Variants in MTSS2 observed in about 807,000 individuals in gnomAD.
MTSS2 encodes the protein MTSS I-BAR domain containing 2.
In MTSS2, 27 loss-of-function variants were observed where a neutral mutation model predicts 67.1. The observed-to-expected ratio is 0.40, with a 90% CI of 0.30 to 0.55. MTSS2 has a LOEUF of 0.55. MTSS2 is among the 20% of genes least tolerant of loss of function. MTSS2 has a pLI of 0.43. For synonymous variants in MTSS2, 624 were observed against 468.6 expected, an observed-to-expected ratio of 1.33 and a Z score of -4.28; for missense variants, 1,171 against 1,067.8, an observed-to-expected ratio of 1.10 and a Z score of -1.35.
Position 70,664,626 on chromosome 16 carries a change from G to C in MTSS2, c.1443C>G (p.Ser481=). ...SGYSTQTTTP[S]CSEDTIPSQG... is the part of the protein sequence containing the mutation. ...GGGAGGGGATGGTGTCCTCAGAGCAGGAGGGCGTGGTGGTCTGCGTGCTGT... is the reference window on the plus strand; with the variant it reads ...GGGAGGGGATGGTGTCCTCAGAGCACGAGGGCGTGGTGGTCTGCGTGCTGT... Residue 481 remains serine (S), a synonymous_variant, in exon 14 of 15, where the codon TCC becomes TCG. Transcript: ENST00000338779. 2 of 1,613,242 alleles carry C rather than the reference G, an allele frequency of 1.2e-6. No homozygotes were observed. The highest frequency in any genetic ancestry group is 1.7e-6 in the Non-Finnish European group (2 of 1,179,898).
intron 11 of MTSS2, among the ~76,000 whole-genome samples, chr16:70,666,155 A>G (rs1280567972): frequency 1.3e-5 from 2 of 152,018 alleles, no homozygotes; most frequent in Non-Finnish European, 2.9e-5. Context: ...GGTGGGAGGG[A>G]AGAGGAGAGT....
intron 10 of MTSS2, among the ~76,000 whole-genome samples, chr16:70,674,941 C>T (rs2053068299): frequency 6.6e-6 from 1 of 152,060 alleles, no homozygotes; most frequent in Non-Finnish European, 1.5e-5. Flanking sequence ...AGCGAAACCC[C>T]ATCACCACTA....
chr16:70,674,823 G>A (rs1231999620), intron 10 of MTSS2, among the ~76,000 whole-genome samples: 1 of 152,174 alleles, frequency 6.6e-6, no homozygotes, highest in African/African-American at 2.4e-5. Context: ...ACTAAGAACA[G>A]TTGTCCAGGC....
At chr16:70,669,549 C>T (rs1042703674) in intron 11 of MTSS2, among the ~76,000 whole-genome samples, 3 of 151,988 alleles carry the variant, frequency 2.0e-5, no homozygotes, top group East Asian at 1.9e-4. Flanking sequence ...GGCATGGTGG[C>T]TCATGCCTGT....
At chr16:70,668,761 C>G (rs776453579) in intron 11 of MTSS2, among the ~76,000 whole-genome samples, 1 of 152,158 alleles carries the variant, frequency 6.6e-6, no homozygotes, top group Non-Finnish European at 1.5e-5. Flanking sequence ...CCACTGAGGA[C>G]ACAGCAAGAA....
At chr16:70,665,579 G>T in intron 11 of MTSS2, 39 bp from the exon 12 acceptor site, 1 of 1,519,202 alleles carries the variant, frequency 6.6e-7, no homozygotes, top group Non-Finnish European at 8.9e-7. Flanking sequence ...CAGACAGAGG[G>T]GCCGGCAGGC....
At chr16:70,665,212 C>A in intron 12 of MTSS2, 116 bp from the exon 13 acceptor site, 1 of 1,243,718 alleles carries the variant, frequency 8.0e-7, no homozygotes, top group Non-Finnish European at 1.1e-6. Flanking sequence ...GTCTCTGGTT[C>A]GCAATCACAG....
rs2053449042 is a variant in MTSS2, at chr16:70,686,035, C to T, written c.-244G>A. The T allele has an allele frequency of 6.8e-6, 1 of 147,908 alleles. No homozygotes were observed. 9.2% of individuals were successfully genotyped at this position (147,908 alleles called of 1,614,324 possible). A position where few individuals can be genotyped will look rare whatever the true frequency, so the allele number is the denominator to read the frequency against. ...GGCGCGGCGCGGGCAGCTCGCGGCGCAGCCTCGGCGCGGGGACTGACGGCG... is the reference window on the plus strand; with the variant it reads ...GGCGCGGCGCGGGCAGCTCGCGGCGTAGCCTCGGCGCGGGGACTGACGGCG... On this transcript the variant is annotated 5_prime_UTR_variant, in exon 1 of 15. Transcript: ENST00000338779.
At chr16:70,680,202 G>GCCGGC in intron 3 of MTSS2, 147 bp from the exon 4 acceptor site, 1 of 280,368 alleles carries the variant, frequency 3.6e-6, no homozygotes, top group Non-Finnish European at 5.9e-6. Flanking sequence ...CGGCCCTGGG[G>GCCGGC]GATTCGGGGC....
In MTSS2 at chr16:70,663,746, C is replaced by T. The variant is rs922495407; in HGVS notation, c.2175G>A (p.Val725=). The change falls in exon 15 of 15, where the codon GTG becomes GTA. Residue 725 remains valine (V), a synonymous_variant. Transcript: ENST00000338779. ...GGAGCCGGACCCCACGCCGGATGGC[C>T]ACCAGCATGTCTTCGGCCGGGGGGT... ...TSDPPAEDML[V]AIRRGVRLRR... 6.4e-6 allele frequency: 10 copies of T among 1,571,718 alleles called. No homozygotes were observed. The African/African-American group carries it at 1.3e-4, about 21-fold the overall frequency.
intron 9 of MTSS2, among the ~76,000 whole-genome samples, chr16:70,677,458 G>A (rs2053155938): frequency 6.6e-6 from 1 of 152,076 alleles, no homozygotes; most frequent in Admixed American, 6.5e-5. Context: ...AGGGGATGGG[G>A]TTTCTGGCCA....
At chr16:70,669,415 G>C (rs2052842661) in intron 11 of MTSS2, among the ~76,000 whole-genome samples, 1 of 152,198 alleles carries the variant, frequency 6.6e-6, no homozygotes, top group African/African-American at 2.4e-5. Flanking sequence ...GGGTTCAATG[G>C]CACACATCTG....
At chr16:70,680,918 G>GGGGGGGGGGGGGGGGGGGCCCCCC in intron 2 of MTSS2, 46 bp downstream of exon 2, 1 of 1,097,926 alleles carries the variant, frequency 9.1e-7, no homozygotes, top group Non-Finnish European at 1.3e-6. Context: ...CGGGGGGGGG[G>GGGGGGGGGGGGGGGGGGGCCCCCC]CCTCTGCCTG....
chr16:70,685,200 G>T (rs2053413879), intron 1 of MTSS2, among the ~76,000 whole-genome samples: 1 of 151,918 alleles, frequency 6.6e-6, no homozygotes, highest in Non-Finnish European at 1.5e-5. Context: ...TCCTGGGGCT[G>T]TGGGGGTGGG....
intron 6 of MTSS2, 86 bp from the exon 7 acceptor site, chr16:70,679,409 G>T: frequency 1.3e-6 from 2 of 1,548,108 alleles, no homozygotes. Context: ...GCCACTCCTG[G>T]GGCGGGGGTG....
rs2052478292 is a variant in MTSS2, at chr16:70,661,698, G to C, written c.*1979C>G. On this transcript the variant is annotated 3_prime_UTR_variant, in exon 15 of 15. Coordinates refer to ENST00000338779, the MANE Select transcript of MTSS2 (RefSeq NM_138383.3). ...GAGTAGAGTATGTACAGCCCCCGGG[G>C]CTCACAGGGGAGGGGGACGGCGGAG... 1 of 244,812 alleles carries C rather than the reference G, an allele frequency of 4.1e-6. No homozygotes were observed. Among genetic ancestry groups the C allele is most frequent in the Admixed American group, 5.2e-5 (1 of 19,066 alleles). 15.2% of individuals were successfully genotyped at this position (244,812 alleles called of 1,614,324 possible).
At chr16:70,684,891 G>A (rs1050909425) in intron 1 of MTSS2, among the ~76,000 whole-genome samples, 2 of 152,176 alleles carry the variant, frequency 1.3e-5, no homozygotes, top group African/African-American at 2.4e-5. Flanking sequence ...GGGGGCTGAG[G>A]TCAGGGGAAG....
intron 11 of MTSS2, among the ~76,000 whole-genome samples, chr16:70,670,273 A>T (rs1257148058): frequency 6.6e-6 from 1 of 152,204 alleles, no homozygotes; most frequent in Non-Finnish European, 1.5e-5. Flanking sequence ...TCTGTCTCAA[A>T]AACAAAACAA....
intron 10 of MTSS2, 36 bp downstream of exon 10, chr16:70,676,845 G>GCC (rs780724435): frequency 6.3e-7 from 1 of 1,576,762 alleles, no homozygotes; most frequent in Middle Eastern, 2.3e-4. Flanking sequence ...TTGGGATACC[G>GCC]CCCCCCACAC....
Sources: allele counts gnomAD v4.1 joint callset (sites outside exome capture counted in the v4.1 genomes callset), GRCh38; gene constraint gnomAD v4.1.1; transcripts MANE v1.5; gene names NCBI Gene and HGNC (gene_info 2026-07-23, HGNC 2026-07-21).